Variants in PDZRN4 observed in about 807,000 individuals in gnomAD.
PDZRN4 encodes the protein PDZ domain-containing RING finger protein 4.
A neutral mutation model predicts 99.0 loss-of-function variants in PDZRN4; 70 were observed. That is an observed-to-expected ratio of 0.71 (90% confidence interval 0.58 to 0.86). The LOEUF is 0.86. Ranked by LOEUF, PDZRN4 falls within the 40% of genes least tolerant of loss-of-function variation. The probability of loss-of-function intolerance (pLI) is 0.00; values close to 1 mark genes in which losing one functional copy is unlikely to be tolerated. For missense variants in PDZRN4, 1,474 were observed against 1,331.2 expected (o/e 1.11, Z -1.67); for synonymous variants, 551 against 501.6 (o/e 1.10, Z -1.32).
intron 3 of PDZRN4, among the ~76,000 whole-genome samples, chr12:41,396,788 T>C (rs1370339478): frequency 6.6e-6 from 1 of 152,210 alleles, no homozygotes; most frequent in African/African-American, 2.4e-5. Context: ...GTAAAGACTT[T>C]TTGATTTCTT....
At chr12:41,215,208 T>C (rs181905714) in intron 3 of PDZRN4, among the ~76,000 whole-genome samples, 21 of 152,162 alleles carry the variant, frequency 1.4e-4, no homozygotes, top group South Asian at 2.1e-4. Flanking sequence ...GATATCTTGG[T>C]ATTAAGGAAT....
At chr12:41,473,233 C>T (rs916458590) in intron 3 of PDZRN4, 1 of 151,858 alleles carries the variant, frequency 6.6e-6, no homozygotes, top group Non-Finnish European at 1.5e-5. Flanking sequence ...CAACATAATA[C>T]CACAATTATT....
intron 7 of PDZRN4, 114 bp from the exon 8 acceptor site, chr12:41,563,434 A>T: frequency 1.3e-6 from 1 of 745,754 alleles, no homozygotes; most frequent in African/African-American, 1.7e-5. Flanking sequence ...AGATGAGCCC[A>T]TTGTGTGAGC....
intron 3 of PDZRN4, among the ~76,000 whole-genome samples, chr12:41,428,399 G>A (rs1952556220): frequency 6.6e-6 from 1 of 152,068 alleles, no homozygotes; most frequent in East Asian, 1.9e-4. Context: ...TGAGATCTGG[G>A]ACCTTTATAT....
intron 6 of PDZRN4, among the ~76,000 whole-genome samples, chr12:41,555,241 A>AAAAAAAAAAAGAAAAG (rs1939135516): frequency 5.8e-5 from 7 of 119,956 alleles, no homozygotes; most frequent in Non-Finnish European, 9.8e-5. Context: ...AAAAAAAAAA[A>AAAAAAAAAAAGAAAAG]AAAAAAAAGA....
intron 8 of PDZRN4, among the ~76,000 whole-genome samples, chr12:41,565,299 A>G (rs1939344768): frequency 6.6e-6 from 1 of 152,120 alleles, no homozygotes; most frequent in South Asian, 2.1e-4. Flanking sequence ...TTGATCCTAA[A>G]GAAACCTTCA....
chr12:41,430,444 G>A (rs1460080025), intron 3 of PDZRN4, among the ~76,000 whole-genome samples: 2 of 151,352 alleles, frequency 1.3e-5, no homozygotes, highest in East Asian at 1.9e-4. Context: ...ACTCCAGCCC[G>A]GTGACAGAGC....
intron 5 of PDZRN4, among the ~76,000 whole-genome samples, chr12:41,537,133 G>A (rs555756313): frequency 6.7e-4 from 102 of 152,272 alleles, no homozygotes; most frequent in African/African-American, 2.5e-3. Context: ...CTTAAGCTGG[G>A]ATTGTCCCTG....
At chr12:41,356,627 G>A (rs1443126592) in intron 3 of PDZRN4, among the ~76,000 whole-genome samples, 2 of 151,916 alleles carry the variant, frequency 1.3e-5, no homozygotes, top group South Asian at 2.1e-4. Flanking sequence ...GAAAAGAGAT[G>A]AAAGAGCAAT....
At chr12:41,450,053 T>A (rs1427902794) in intron 3 of PDZRN4, among the ~76,000 whole-genome samples, 1 of 152,110 alleles carries the variant, frequency 6.6e-6, no homozygotes, top group Non-Finnish European at 1.5e-5. Context: ...TTTCTTCAAC[T>A]GCAAATATCC....
chr12:41,248,119 G>A (rs539440583), intron 3 of PDZRN4, among the ~76,000 whole-genome samples: 3 of 152,256 alleles, frequency 2.0e-5, no homozygotes, highest in Non-Finnish European at 4.4e-5. Context: ...TGCCCAGAGG[G>A]TTAGCAACTA....
chr12:41,439,019 G>A (rs78431367), intron 3 of PDZRN4, among the ~76,000 whole-genome samples: 3,820 of 152,190 alleles, frequency 0.025, 167 homozygotes, highest in African/African-American at 0.088. Flanking sequence ...TCCCCCTGAC[G>A]TGATTCATTT....
At chr12:41,197,072 AAG>A (rs1410020856) in intron 3 of PDZRN4, among the ~76,000 whole-genome samples, 2 of 146,982 alleles carry the variant, frequency 1.4e-5, no homozygotes, top group African/African-American at 5.3e-5. Flanking sequence ...TAAAAACAAT[AAG>A]AGATTCTATG....
intron 3 of PDZRN4, among the ~76,000 whole-genome samples, chr12:41,196,766 G>T (rs1950776214): frequency 6.6e-6 from 1 of 151,970 alleles, no homozygotes; most frequent in Non-Finnish European, 1.5e-5. Context: ...AAATTGAGAA[G>T]AAATCTATCA....
At chr12:41,477,787 A>C in intron 3 of PDZRN4, 2 of 791,374 alleles carry the variant, frequency 2.5e-6, no homozygotes, top group Non-Finnish European at 4.3e-6. Flanking sequence ...TGAAAAGCCC[A>C]CAGGCGCCTT....
At chr12:41,544,606 A>C (rs1431683787) in intron 5 of PDZRN4, among the ~76,000 whole-genome samples, 8 of 152,180 alleles carry the variant, frequency 5.3e-5, no homozygotes, top group African/African-American at 1.7e-4. Context: ...TTAGAGAACA[A>C]TAAACAGGTA....
intron 3 of PDZRN4, among the ~76,000 whole-genome samples, chr12:41,247,155 C>A (rs1380912708): frequency 1.3e-5 from 2 of 152,108 alleles, no homozygotes; most frequent in African/African-American, 2.4e-5. Flanking sequence ...CCAAAATAAT[C>A]ATGGTCCAAG....
chr12:41,247,819 T>C (rs1237647870), intron 3 of PDZRN4, among the ~76,000 whole-genome samples: 1 of 152,144 alleles, frequency 6.6e-6, no homozygotes, highest in South Asian at 2.1e-4. Flanking sequence ...AACATGGGTA[T>C]TTGGAAATTG....
At chr12:41,194,043 C>T in intron 2 of PDZRN4, 38 bp from the exon 3 acceptor site, 1 of 942,214 alleles carries the variant, frequency 1.1e-6, no homozygotes. Flanking sequence ...TTAAATTTTG[C>T]TTACATCTTT....
Sources: gnomAD v4.1 joint callset for allele counts (sites outside exome capture counted in the v4.1 genomes callset) on GRCh38, gnomAD v4.1.1 for gene constraint, MANE v1.5 for transcripts, NCBI Gene and HGNC (gene_info 2026-07-23, HGNC 2026-07-21) for gene names.